SCIMP: variants seen among roughly 807,000 people sequenced by gnomAD.
SCIMP encodes the protein SLP adapter and CSK-interacting membrane protein.
In SCIMP, 18 loss-of-function variants were observed where a neutral mutation model predicts 22.0. The ratio of observed to expected loss-of-function variants is 0.82; its 90% CI spans 0.56 to 1.21. The LOEUF (loss-of-function observed/expected upper bound fraction) is 1.21. Among genes scored for constraint, SCIMP ranks in the 50% most tolerant of loss-of-function variants. The pLI is 0.00. For missense variants in SCIMP, 155 were observed against 171.2 expected, an observed-to-expected ratio of 0.91 and a Z score of 0.53; for synonymous variants, 53 against 62.2, an observed-to-expected ratio of 0.85 and a Z score of 0.70.
In SCIMP at chr17:5,208,950, A is replaced by G. The variant is rs942268971; in HGVS notation, c.*1851T>C. 2.6e-5 allele frequency: 4 copies of G among 152,236 alleles called. No homozygotes were observed. The highest frequency in any genetic ancestry group is 5.9e-5 in the Non-Finnish European group (4 of 68,052). The allele number at this position is 152,236 out of a possible 1,614,324, so 9.4% of individuals were successfully genotyped here. On this transcript the variant is annotated 3_prime_UTR_variant, in exon 5 of 5. Transcript: ENST00000574081. ...CTGGCATTTGTTTTTAACTTTTGTC[A>G]TAGTCATGGAGGGTTTACAGAACAT... is the stretch of plus-strand genomic sequence containing the variant.
chr17:5,223,378 G>A lies in SCIMP; in HGVS notation c.100C>T (p.Leu34=). ...CAGACACAGTACAGGATGAGGCCCA[G>A]ACCCACAGAGACAACGATGATGGCC... ...AVAIIVVSVG[L]GLILYCVCKW... is the part of the protein sequence containing the mutation. The change falls in exon 2 of 5, where the codon CTG becomes TTG. Residue 34 remains leucine, a synonymous_variant. Coordinates refer to ENST00000574081, the MANE Select transcript of SCIMP (RefSeq NM_207103.3). The A allele has an allele frequency of 6.2e-7, 1 of 1,613,606 alleles. No homozygotes were observed. Among genetic ancestry groups the A allele is most frequent in the Non-Finnish European group, 8.5e-7 (1 of 1,179,666 alleles).
At chr17:5,213,230 T>C in intron 4 of SCIMP, 1 of 984,514 alleles carries the variant, frequency 1.0e-6, no homozygotes, top group Non-Finnish European at 1.2e-6. Context: ...CGTCGGTACT[T>C]ATGCTGCCCC....
intron 3 of SCIMP, among the ~76,000 whole-genome samples, chr17:5,220,047 C>T (rs1017504332): frequency 6.6e-6 from 1 of 152,152 alleles, no homozygotes; most frequent in African/African-American, 2.4e-5. Context: ...TGAGCAAAAT[C>T]GCTTTTCTGT....
In SCIMP at chr17:5,232,587, G is replaced by A. The variant is rs150259496; in HGVS notation, c.21+2148C>T. ...TCGAACTAATCTCAGTCTAGATCTC[G>A]AGGGTCTGAGAGGCTGTAGAGAACA... is the stretch of plus-strand genomic sequence containing the variant. On this transcript the variant is annotated intron_variant, in intron 1 of 4. Coordinates refer to ENST00000574081, the MANE Select transcript of SCIMP (RefSeq NM_207103.3). Among the ~76,000 whole-genome samples, 39 of 152,266 alleles carry A rather than the reference G, an allele frequency of 2.6e-4. No homozygotes were observed. The East Asian group carries it at 6.4e-3, about 25-fold the overall frequency.
intron 3 of SCIMP, among the ~76,000 whole-genome samples, chr17:5,216,455 C>G: frequency 6.6e-6 from 1 of 152,094 alleles, no homozygotes; most frequent in African/African-American, 2.4e-5. Context: ...ATCATGAGGT[C>G]AGGAGATCGA....
At chr17:5,217,323 C>G (rs957521891) in intron 3 of SCIMP, among the ~76,000 whole-genome samples, 4 of 152,058 alleles carry the variant, frequency 2.6e-5, no homozygotes, top group African/African-American at 9.7e-5. Context: ...AGGAAACTCA[C>G]TAGCTCACAG....
At chr17:5,232,432 C>CAGTGTAAACAGTGCAGTATAAACAGT (rs2074709359) in intron 1 of SCIMP, among the ~76,000 whole-genome samples, 1 of 75,776 alleles carries the variant, frequency 1.3e-5, no homozygotes, top group Non-Finnish European at 2.3e-5. Context: ...GTGTAAACAG[C>CAGTGTAAACAGTGCAGTATAAACAGT]GCAGTGTAAA....
chr17:5,230,302 C>T (rs1192285638), intron 1 of SCIMP, among the ~76,000 whole-genome samples: 1 of 152,202 alleles, frequency 6.6e-6, no homozygotes, highest in Non-Finnish European at 1.5e-5. Context: ...GTTCTATTTA[C>T]AATAGCAAGT....
intron 3 of SCIMP, among the ~76,000 whole-genome samples, chr17:5,220,497 G>T (rs2074598687): frequency 6.6e-6 from 1 of 151,558 alleles, no homozygotes; most frequent in Non-Finnish European, 1.5e-5. Flanking sequence ...CCAGCACTTT[G>T]GGAGGCCAAG....
At position 5,232,348 on chromosome 17, in the gene SCIMP, A is replaced by ATATAAACAGTGCAGTATAAACAGTGCAG. The variant is rs1160918708; in HGVS notation, c.21+2386_21+2387insCTGCACTGTTTATACTGCACTGTTTATA. On this transcript the variant is annotated intron_variant, in intron 1 of 4. Transcript: ENST00000574081. Reference sequence around the variant, plus strand: ...TGTGGGGGACTAAGAAAGGGGTGGAATATAAACAGTGCAGTGTAAACAGTG... The same window carrying ATATAAACAGTGCAGTATAAACAGTGCAG: ...TGTGGGGGACTAAGAAAGGGGTGGAATATAAACAGTGCAGTATAAACAGTGCAGTATAAACAGTGCAGTGTAAACAGTG... Among the ~76,000 whole-genome samples, 75 of 34,466 alleles carry ATATAAACAGTGCAGTATAAACAGTGCAG rather than the reference A, an allele frequency of 2.2e-3. 1 individual carries two copies. The highest frequency in any genetic ancestry group is 3.6e-3 in the East Asian group (2 of 558). 22.6% of individuals were successfully genotyped at this position (34,466 alleles called of 152,430 possible).
rs369388270 is a variant in SCIMP, at chr17:5,212,430, C to T, written c.284-1475G>A. On this transcript the variant is annotated intron_variant, in intron 4 of 4. Transcript: ENST00000574081. ...TGGGTGGATCACGAGGTCAGGAGAT[C>T]GAGATCATCCTTGCTAACATGGTGA... 3.9e-4 allele frequency among the ~76,000 whole-genome samples: 59 copies of T among 152,136 alleles called. 1 individual carries two copies. The highest frequency in any genetic ancestry group is 1.3e-3 in the African/African-American group (52 of 41,532).
intron 1 of SCIMP, among the ~76,000 whole-genome samples, chr17:5,225,148 G>A (rs2074637428): frequency 6.6e-6 from 1 of 152,132 alleles, no homozygotes; most frequent in African/African-American, 2.4e-5. Flanking sequence ...GTCGCCTTTT[G>A]TTACCATCAA....
chr17:5,230,386 G>A (rs2074684712), intron 1 of SCIMP, among the ~76,000 whole-genome samples: 2 of 152,332 alleles, frequency 1.3e-5, no homozygotes, highest in South Asian at 4.1e-4. Context: ...GATCTGCAAA[G>A]CTGGCTGGGT....
At chr17:5,234,538 C>G in intron 1 of SCIMP, 197 bp downstream of exon 1, 1 of 611,278 alleles carries the variant, frequency 1.6e-6, no homozygotes, top group South Asian at 1.9e-5. Flanking sequence ...GGTCACTCAG[C>G]CAGTTACCAG....
intron 1 of SCIMP, among the ~76,000 whole-genome samples, chr17:5,226,535 C>T (rs1322936231): frequency 6.9e-6 from 1 of 145,712 alleles, no homozygotes; most frequent in Non-Finnish European, 1.5e-5. Flanking sequence ...GATGAAGTCT[C>T]GCTCTTGTAC....
At chr17:5,233,347 C>T (rs1305269454) in intron 1 of SCIMP, among the ~76,000 whole-genome samples, 1 of 147,164 alleles carries the variant, frequency 6.8e-6, no homozygotes, top group Admixed American at 7.1e-5. Context: ...GTGACCCTGT[C>T]CCTTCCTTGC....
intron 1 of SCIMP, 165 bp downstream of exon 1, chr17:5,234,570 A>T: frequency 1.5e-6 from 1 of 683,590 alleles, no homozygotes; most frequent in Non-Finnish European, 2.5e-6. Context: ...CTTCAATGCA[A>T]GTTTTTCTCC....
chr17:5,223,628 C>T (rs1297603439), intron 1 of SCIMP, 172 bp from the exon 2 acceptor site: 16 of 589,626 alleles, frequency 2.7e-5, no homozygotes, highest in Non-Finnish European at 3.9e-5. Context: ...CAGCTCACTG[C>T]AACCTCCACC....
chr17:5,211,239 AG>A, intron 4 of SCIMP, among the ~76,000 whole-genome samples: 1 of 152,354 alleles, frequency 6.6e-6, no homozygotes, highest in African/African-American at 2.4e-5. Flanking sequence ...GAAACAGACC[AG>A]GTCAGGTGCA....
Sources: gnomAD v4.1 joint callset for allele counts (sites outside exome capture counted in the v4.1 genomes callset) on GRCh38, gnomAD v4.1.1 for gene constraint, MANE v1.5 for transcripts, NCBI Gene and HGNC (gene_info 2026-07-23, HGNC 2026-07-21) for gene names.